The following LRSAM1 variants were observed in gnomAD, a reference collection of about 807,000 sequenced individuals.
LRSAM1 encodes the protein leucine rich repeat and sterile alpha motif containing 1.
Under a neutral mutation model 118.1 loss-of-function variants are expected in LRSAM1, and 96 were observed. The ratio of observed to expected loss-of-function variants is 0.81; its 90% CI spans 0.69 to 0.96. LRSAM1 has a LOEUF of 0.96. Ranked by LOEUF, LRSAM1 falls within the 40% of genes least tolerant of loss-of-function variation. LRSAM1 has a pLI of 0.00. For synonymous variants in LRSAM1, 322 were observed against 364.2 expected, an observed-to-expected ratio of 0.88 and a Z score of 1.32; for missense variants, 804 against 915.5, an observed-to-expected ratio of 0.88 and a Z score of 1.57.
intron 8 of LRSAM1, 39 bp from the exon 9 acceptor site, chr9:127,462,213 G>A: frequency 6.2e-7 from 1 of 1,613,236 alleles, no homozygotes; most frequent in African/African-American, 1.3e-5. Context: ...TGGTGATGGG[G>A]ATTTGGGGTG....
chr9:127,491,001 G>A (rs1385084298), intron 19 of LRSAM1, among the ~76,000 whole-genome samples: 1 of 63,848 alleles, frequency 1.6e-5, no homozygotes, highest in African/African-American at 4.5e-5. Context: ...CAACAAGCAC[G>A]TCCATGCCCC....
chr9:127,472,779 G>A (rs1336200079), intron 10 of LRSAM1, among the ~76,000 whole-genome samples: 1 of 152,188 alleles, frequency 6.6e-6, no homozygotes, highest in Admixed American at 6.5e-5. Context: ...AGTACGGTTT[G>A]AATGTCCCCT....
chr9:127,491,511 C>T lies in LRSAM1; in HGVS notation c.1503+216C>T, dbSNP rs10987669. On this transcript the variant is annotated intron_variant, in intron 20 of 25. Coordinates refer to ENST00000300417, the MANE Select transcript of LRSAM1 (RefSeq NM_001005373.4). The stretch of plus-strand genomic sequence containing the variant: ...AAGGTTAGAGGTGGTCAGCCTGTTG[C>T]GAGGCAGGAGGGTCAGAGGAAGGAG... Among the ~76,000 whole-genome samples the T allele has an allele frequency of 0.11, 17,385 of 152,172 alleles. 1,479 individuals carry two copies. Among genetic ancestry groups the T allele is most frequent in the Admixed American group, 0.28 (4,325 of 15,276 alleles).
intron 7 of LRSAM1, among the ~76,000 whole-genome samples, chr9:127,460,847 CTTTTTTTT>C (rs58140930): frequency 1.3e-4 from 10 of 77,428 alleles, no homozygotes; most frequent in East Asian, 8.1e-4. Context: ...CTGTTTCTTT[CTTTTTTTT>C]TTTTTTTTTT....
intron 7 of LRSAM1, among the ~76,000 whole-genome samples, chr9:127,460,460 G>A (rs975822736): frequency 6.6e-6 from 1 of 152,226 alleles, no homozygotes; most frequent in Non-Finnish European, 1.5e-5. Context: ...ACGGCCTTAG[G>A]GCAGCCTTTT....
intron 23 of LRSAM1, among the ~76,000 whole-genome samples, chr9:127,496,455 T>C (rs113509423): frequency 6.6e-6 from 1 of 152,244 alleles, no homozygotes; most frequent in East Asian, 1.9e-4. Context: ...CCTGTTCCTT[T>C]CTGGGCACAA....
intron 18 of LRSAM1, among the ~76,000 whole-genome samples, chr9:127,489,072 A>C (rs1469148049): frequency 6.6e-6 from 1 of 152,166 alleles, no homozygotes; most frequent in Non-Finnish European, 1.5e-5. Context: ...TCCATTTCTC[A>C]GAGGAGGCAT....
intron 3 of LRSAM1, 146 bp from the exon 4 acceptor site, chr9:127,454,852 A>G: frequency 1.1e-6 from 1 of 898,566 alleles, no homozygotes; most frequent in African/African-American, 1.6e-5. Flanking sequence ...AGCAGGGGTC[A>G]TTGGTTCACC....
intron 11 of LRSAM1, 66 bp downstream of exon 11, chr9:127,473,997 G>A (rs1415435017): frequency 9.3e-6 from 15 of 1,608,346 alleles, no homozygotes; most frequent in Non-Finnish European, 1.3e-5. Flanking sequence ...TGTGTGTTGA[G>A]GGAGCTGGGA....
At chr9:127,461,496 G>T (rs557104963) in intron 8 of LRSAM1, among the ~76,000 whole-genome samples, 4 of 152,200 alleles carry the variant, frequency 2.6e-5, no homozygotes. Context: ...TGGGGAGGAG[G>T]GCAGCTGGGC....
chr9:127,488,256 T>C (rs1295588193), intron 18 of LRSAM1, among the ~76,000 whole-genome samples: 1 of 152,056 alleles, frequency 6.6e-6, no homozygotes, highest in African/African-American at 2.4e-5. Flanking sequence ...TTACTCTGTT[T>C]AGCGTTTTTG....
chr9:127,489,390 G>A (rs2132091534), intron 18 of LRSAM1, 54 bp from the exon 19 acceptor site: 3 of 1,566,114 alleles, frequency 1.9e-6, no homozygotes, highest in African/African-American at 1.3e-5. Context: ...GGATGGGGCT[G>A]CAGGGAAAAG....
intron 16 of LRSAM1, among the ~76,000 whole-genome samples, chr9:127,484,321 A>T (rs1835649444): frequency 6.8e-6 from 1 of 147,482 alleles, no homozygotes; most frequent in African/African-American, 2.5e-5. Flanking sequence ...CCAGGGAAAA[A>T]TTTTCTTCCT....
intron 11 of LRSAM1, among the ~76,000 whole-genome samples, chr9:127,478,596 G>C (rs181930031): frequency 6.6e-6 from 1 of 152,174 alleles, no homozygotes; most frequent in Non-Finnish European, 1.5e-5. Flanking sequence ...GGTGTGTTAC[G>C]CAGACATCCA....
chr9:127,458,680 A>G (rs1834619413), intron 6 of LRSAM1, among the ~76,000 whole-genome samples: 1 of 152,234 alleles, frequency 6.6e-6, no homozygotes, highest in South Asian at 2.1e-4. Flanking sequence ...TACCACTGTC[A>G]ATATTTTATC....
rs61636754 is a variant in LRSAM1, at chr9:127,472,759, C to T, written c.620-1042C>T. ...TCTCAAGAAAAGTCTTGGGTATTTT[C>T]CTGTCTCATAGTACGGTTTGAATGT... On this transcript the variant is annotated intron_variant, in intron 10 of 25. Coordinates refer to ENST00000300417, the MANE Select transcript of LRSAM1 (RefSeq NM_001005373.4). Among the ~76,000 whole-genome samples the T allele has an allele frequency of 8.4e-3, 1,282 of 152,274 alleles. 20 individuals are homozygous for T. The highest frequency in any genetic ancestry group is 0.03 in the African/African-American group (1,241 of 41,556).
chr9:127,475,834 G>A lies in LRSAM1; in HGVS notation c.750+1903G>A, dbSNP rs892155677. Among the ~76,000 whole-genome samples the A allele has an allele frequency of 8.1e-5, 12 of 148,140 alleles. No individual in the cohort carries two copies. The East Asian group carries it at 1.0e-3, about 12-fold the overall frequency. On this transcript the variant is annotated intron_variant, in intron 11 of 25. Transcript: ENST00000300417. ...TGGCTCACTGCAACCTCCATCTCCC[G>A]GGTTCAAGTGATTCTCCTGCCTCAG...
At chr9:127,460,451 C>CGGCCTTA (rs2132007932) in intron 7 of LRSAM1, among the ~76,000 whole-genome samples, 1 of 152,338 alleles carries the variant, frequency 6.6e-6, no homozygotes, top group African/African-American at 2.4e-5. Context: ...GTGGATCACA[C>CGGCCTTA]GGCCTTAGGG....
chr9:127,501,832 G>C (rs912319599), intron 25 of LRSAM1, among the ~76,000 whole-genome samples: 1 of 152,246 alleles, frequency 6.6e-6, no homozygotes, highest in Non-Finnish European at 1.5e-5. Flanking sequence ...CCTCCACTGA[G>C]GGATCCTACT....
Sources: allele counts gnomAD v4.1 joint callset (sites outside exome capture counted in the v4.1 genomes callset), GRCh38; gene constraint gnomAD v4.1.1; transcripts MANE v1.5; gene names NCBI Gene and HGNC (gene_info 2026-07-23, HGNC 2026-07-21).